The following PPP1R17 variants were observed in gnomAD, a reference collection of about 807,000 sequenced individuals.
PPP1R17 encodes protein phosphatase 1 regulatory subunit 17.
Under a neutral mutation model 15.9 loss-of-function variants are expected in PPP1R17, and 12 were observed. The observed-to-expected ratio is 0.75, with a 90% CI of 0.48 to 1.22. The LOEUF is 1.22. PPP1R17 is among the 50% of genes most tolerant of loss of function. The pLI, the probability that PPP1R17 is intolerant of heterozygous loss-of-function variation, is 0.00. For missense variants in PPP1R17, 211 were observed against 187.3 expected, an observed-to-expected ratio of 1.13 and a Z score of -0.74; for synonymous variants, 63 against 64.5, an observed-to-expected ratio of 0.98 and a Z score of 0.11.
At chr7:31,687,591 T>A (rs550542495) in intron 1 of PPP1R17, among the ~76,000 whole-genome samples, 1 of 152,326 alleles carries the variant, frequency 6.6e-6, no homozygotes, top group South Asian at 2.1e-4. Flanking sequence ...GAGAGGTTTA[T>A]CTTCCAAGGC....
At chr7:31,702,871 G>T (rs1293812697) in intron 4 of PPP1R17, among the ~76,000 whole-genome samples, 1 of 152,116 alleles carries the variant, frequency 6.6e-6, no homozygotes, top group African/African-American at 2.4e-5. Context: ...GTTCGTGCTT[G>T]TATCTGTTTT....
At position 31,695,729 on chromosome 7, in the gene PPP1R17, G is replaced by A. The variant is rs371988695; in HGVS notation, c.235+108G>A. On this transcript the variant is annotated intron_variant, in intron 3 of 4. Coordinates refer to ENST00000342032, the MANE Select transcript of PPP1R17 (RefSeq NM_006658.5). ...ATATTCAGGTATTTTAAAGTAATTT[G>A]TGCACTCCCCACCTCTGTATCTCTG... The A allele has an allele frequency of 3.4e-5, 38 of 1,120,404 alleles. No individual in the cohort carries two copies. In the African/African-American group the frequency reaches 6.0e-4, roughly 18 times the overall value. 69.4% of individuals were successfully genotyped at this position (1,120,404 alleles called of 1,614,324 possible). A position where few individuals can be genotyped will look rare whatever the true frequency, so the allele number is the denominator to read the frequency against.
rs1159845960 is a variant in PPP1R17 at position 31,688,870 on chromosome 7, C to A, written c.-37+1564C>A. 2.0e-5 allele frequency among the ~76,000 whole-genome samples: 3 copies of A among 152,176 alleles called. No individual in the cohort carries two copies. In the East Asian group the frequency reaches 5.8e-4, roughly 29 times the overall value. Reference sequence around the variant, plus strand: ...AACCAGAAGAGTAATTCGATCAATACTCTTTCATTCTCTAATTAAGAAATC... The same window carrying A: ...AACCAGAAGAGTAATTCGATCAATAATCTTTCATTCTCTAATTAAGAAATC... On this transcript the variant is annotated intron_variant, in intron 1 of 4. Transcript: ENST00000342032.
chr7:31,695,222 G>A (rs528850299), intron 2 of PPP1R17, among the ~76,000 whole-genome samples: 6 of 152,202 alleles, frequency 3.9e-5, no homozygotes, highest in Admixed American at 1.3e-4. Flanking sequence ...TCTTTGCCTC[G>A]GTGATCCATC....
At chr7:31,690,344 G>A (rs948353909) in intron 1 of PPP1R17, among the ~76,000 whole-genome samples, 2 of 152,194 alleles carry the variant, frequency 1.3e-5, no homozygotes, top group African/African-American at 4.8e-5. Context: ...ACTCCACCCA[G>A]TAGGTATTAT....
At chr7:31,695,323 G>C in intron 2 of PPP1R17, 146 bp from the exon 3 acceptor site, 1 of 599,464 alleles carries the variant, frequency 1.7e-6, no homozygotes, top group Non-Finnish European at 2.6e-6. Flanking sequence ...GTCCTTTGTG[G>C]AATAGGCCAC....
intron 2 of PPP1R17, among the ~76,000 whole-genome samples, chr7:31,694,225 A>C (rs1792474068): frequency 6.6e-6 from 1 of 152,196 alleles, no homozygotes; most frequent in Non-Finnish European, 1.5e-5. Flanking sequence ...GACTGGAGTT[A>C]ATACAGATAC....
rs1401492576 is a variant in PPP1R17 at position 31,695,110 on chromosome 7, CA to C, written c.83-354del. Among the ~76,000 whole-genome samples the C allele has an allele frequency of 7.3e-5, 11 of 151,564 alleles. No homozygotes were observed. The South Asian group carries it at 1.9e-3, about 26-fold the overall frequency. On this transcript the variant is annotated intron_variant, in intron 2 of 4. Transcript: ENST00000342032. Reference sequence around the variant, plus strand: ...GTCTCCAAAGAGAGCAAGTCTTGAGCAAAAAGAATGGAGGCGCGTTTAGCAG... The same window carrying C: ...GTCTCCAAAGAGAGCAAGTCTTGAGCAAAAGAATGGAGGCGCGTTTAGCAG...
At chr7:31,704,797 C>A (rs534045296) in intron 4 of PPP1R17, among the ~76,000 whole-genome samples, 1 of 152,286 alleles carries the variant, frequency 6.6e-6, no homozygotes, top group South Asian at 2.1e-4. Flanking sequence ...ATAGGCAAAG[C>A]TTTCTGGCTT....
intron 4 of PPP1R17, among the ~76,000 whole-genome samples, chr7:31,701,223 A>G (rs1356510797): frequency 2.0e-5 from 3 of 152,224 alleles, no homozygotes; most frequent in Admixed American, 2.0e-4. Context: ...GGAGGTCAAA[A>G]TATCAAAAAT....
chr7:31,691,371 G>A (rs1255389944), intron 1 of PPP1R17, among the ~76,000 whole-genome samples: 1 of 152,162 alleles, frequency 6.6e-6, no homozygotes, highest in African/African-American at 2.4e-5. Context: ...AATCTCAAAA[G>A]AAAAGAATTG....
chr7:31,705,684 T>C (rs1270138576), intron 4 of PPP1R17, among the ~76,000 whole-genome samples: 1 of 152,178 alleles, frequency 6.6e-6, no homozygotes, highest in Non-Finnish European at 1.5e-5. Context: ...AGGCCTCTTG[T>C]GGTGCACAGC....
intron 1 of PPP1R17, among the ~76,000 whole-genome samples, chr7:31,687,684 C>T (rs1457189819): frequency 2.0e-5 from 3 of 152,176 alleles, no homozygotes; most frequent in African/African-American, 7.2e-5. Flanking sequence ...GGAATACTGC[C>T]AATTTAGGTT....
rs577691440 is a variant in PPP1R17 at position 31,696,849 on chromosome 7, A to G, written c.236-116A>G. 3 of 1,182,910 alleles carry G rather than the reference A, an allele frequency of 2.5e-6. No individual in the cohort carries two copies. The South Asian group carries it at 5.5e-5, about 22-fold the overall frequency. The allele number at this position is 1,182,910 out of a possible 1,614,324, so 73.3% of individuals were successfully genotyped here. A position where few individuals can be genotyped will look rare whatever the true frequency, so the allele number is the denominator to read the frequency against. ...TGAAAAGTCTTGCTTTATTAAAGTA[A>G]GTTTGGAAAGCTATATTGACTGTCT... is the stretch of plus-strand genomic sequence containing the variant. On this transcript the variant is annotated intron_variant, in intron 3 of 4. Coordinates refer to ENST00000342032, the MANE Select transcript of PPP1R17 (RefSeq NM_006658.5).
chr7:31,704,487 A>G (rs1399896529), intron 4 of PPP1R17, among the ~76,000 whole-genome samples: 1 of 152,232 alleles, frequency 6.6e-6, no homozygotes, highest in Non-Finnish European at 1.5e-5. Flanking sequence ...GACGAAGGGA[A>G]GGAAATGACA....
At chr7:31,697,696 T>C (rs1229028106) in intron 4 of PPP1R17, among the ~76,000 whole-genome samples, 2 of 152,182 alleles carry the variant, frequency 1.3e-5, no homozygotes, top group Non-Finnish European at 2.9e-5. Flanking sequence ...AGTATGACTC[T>C]GTGTGTATGT....
At chr7:31,706,304 C>T (rs572007371) in intron 4 of PPP1R17, among the ~76,000 whole-genome samples, 5 of 151,994 alleles carry the variant, frequency 3.3e-5, no homozygotes, top group Admixed American at 3.3e-4. Flanking sequence ...CACACCCGGC[C>T]CAGTAAATTT....
intron 4 of PPP1R17, among the ~76,000 whole-genome samples, chr7:31,698,093 C>T (rs1258118341): frequency 3.9e-5 from 6 of 152,162 alleles, no homozygotes; most frequent in Non-Finnish European, 7.4e-5. Flanking sequence ...TTTCACTAAT[C>T]TGTGCTGTGG....
At chr7:31,702,203 A>AT (rs1464104354) in intron 4 of PPP1R17, among the ~76,000 whole-genome samples, 64 of 125,354 alleles carry the variant, frequency 5.1e-4, no homozygotes, top group African/African-American at 1.9e-3. Context: ...TTTCACCCTT[A>AT]TTTATTTTTT....
Sources: gnomAD v4.1 joint callset for allele counts (sites outside exome capture counted in the v4.1 genomes callset) on GRCh38, gnomAD v4.1.1 for gene constraint, MANE v1.5 for transcripts, NCBI Gene and HGNC (gene_info 2026-07-23, HGNC 2026-07-21) for gene names.